The following CYBC1 variants were observed in gnomAD, a reference collection of about 807,000 sequenced individuals.
The protein encoded by CYBC1 is cytochrome b-245 chaperone 1.
A neutral mutation model predicts 21.7 loss-of-function variants in CYBC1; 22 were observed. The ratio of observed to expected loss-of-function variants is 1.02; its 90% CI spans 0.73 to 1.45. The LOEUF (loss-of-function observed/expected upper bound fraction) is 1.45, where lower values mean the gene tolerates loss of function less well. CYBC1 is among the 40% of genes most tolerant of loss of function. CYBC1 has a pLI of 0.00. For synonymous variants in CYBC1, 112 were observed against 98.7 expected (o/e 1.13, Z -0.80); for missense variants, 237 against 242.1 (o/e 0.98, Z 0.14).
At position 82,444,109 on chromosome 17, in the gene CYBC1, G is replaced by A. The variant is rs375281920; in HGVS notation, c.459C>T (p.Ile153=). The change falls in exon 7 of 7, where the codon ATC becomes ATT. Residue 153 remains isoleucine (I), a synonymous_variant. Coordinates refer to ENST00000306645, the MANE Select transcript of CYBC1 (RefSeq NM_001033046.4). ...VMGHRSDVEA[I]AKLITSFLEL... ...CCAGGAAGCTGGTGATGAGCTTGGC[G>A]ATGGCTTCCACATCACTGGGCGAGG... is the stretch of plus-strand genomic sequence containing the variant. The A allele has an allele frequency of 5.6e-5, 90 of 1,611,974 alleles. No individual in the cohort carries two copies. In the African/African-American group the frequency reaches 5.9e-4, roughly 11 times the overall value.
chr17:82,445,713 C>T (rs2054241809), intron 5 of CYBC1, 151 bp downstream of exon 5: 2 of 593,492 alleles, frequency 3.4e-6, no homozygotes, highest in Admixed American at 6.0e-5. Context: ...ATCCTGCTTC[C>T]AGCGGGCAGG....
chr17:82,447,737 G>T, intron 2 of CYBC1, 116 bp from the exon 3 acceptor site: 1 of 927,790 alleles, frequency 1.1e-6, no homozygotes, highest in Non-Finnish European at 1.7e-6. Context: ...TGTAGGAACA[G>T]CTGTGGTCAG....
At position 82,444,595 on chromosome 17, in the gene CYBC1, C is replaced by T. The variant is rs368874778; in HGVS notation, c.299-4G>A. The T allele has an allele frequency of 5.0e-6, 8 of 1,596,268 alleles. No individual in the cohort carries two copies. Among genetic ancestry groups the T allele is most frequent in the East Asian group, 2.3e-5 (1 of 44,436 alleles). On this transcript the variant is annotated splice_region_variant and splice_polypyrimidine_tract_variant and intron_variant, in intron 5 of 6. Coordinates refer to ENST00000306645, the MANE Select transcript of CYBC1 (RefSeq NM_001033046.4). ...ACATCATGGAGCAGGACCACCACTG[C>T]GGGGAGACGGTCAGTGGCCGAGCCA...
chr17:82,442,932 T>G lies in CYBC1; in HGVS notation c.*1072A>C. On this transcript the variant is annotated 3_prime_UTR_variant, in exon 7 of 7. Transcript: ENST00000306645. The surrounding 1 kb of genome is among the most constrained non-coding windows in gnomAD (Gnocchi z 6.8). ...GGTACACTCAGGAGACCAAGAGCAC[T>G]GGCGGGTCAGGATGGTTGGCGTTCA... 1 of 242,752 alleles carries G rather than the reference T, an allele frequency of 4.1e-6. No individual in the cohort carries two copies. 15.0% of individuals were successfully genotyped at this position (242,752 alleles called of 1,614,324 possible). A position where few individuals can be genotyped will look rare whatever the true frequency, so the allele number is the denominator to read the frequency against.
In CYBC1 at chr17:82,446,614, C is replaced by G; in HGVS notation, c.201+9G>C. The G allele has an allele frequency of 6.2e-7, 1 of 1,614,030 alleles. No individual in the cohort carries two copies. The highest frequency in any genetic ancestry group is 8.5e-7 in the Non-Finnish European group (1 of 1,179,942). On this transcript the variant is annotated intron_variant, in intron 4 of 6. Coordinates refer to ENST00000306645, the MANE Select transcript of CYBC1 (RefSeq NM_001033046.4). Reference sequence around the variant, plus strand: ...CCTGGACTCTGTCCCGCACCCGAGCCGGCCTTACCTCCCAGTCCTCCAAGT... The same window carrying G: ...CCTGGACTCTGTCCCGCACCCGAGCGGGCCTTACCTCCCAGTCCTCCAAGT...
Position 82,443,965 on chromosome 17 carries a change from T to G in CYBC1, c.*39A>C. The G allele has an allele frequency of 6.2e-7, 1 of 1,605,204 alleles. No individual in the cohort carries two copies. Among genetic ancestry groups the G allele is most frequent in the Non-Finnish European group, 8.5e-7 (1 of 1,179,518 alleles). On this transcript the variant is annotated 3_prime_UTR_variant, in exon 7 of 7. Transcript: ENST00000306645. The surrounding 1 kb of genome is among the most constrained non-coding windows in gnomAD (Gnocchi z 6.7). The stretch of plus-strand genomic sequence containing the variant: ...AGGCACACCGGGAATGTGCCATGGG[T>G]CCTGTGGGCGGTGCACGGGCTCAGG...
chr17:82,442,813 C>T lies in CYBC1; in HGVS notation c.*1191G>A, dbSNP rs1304534591. ...CCTACCCAGCCATTCCTGGGCCTGC[C>T]GCCTAGGGGCTCACAGGGCCCAGGA... is the stretch of plus-strand genomic sequence containing the variant. On this transcript the variant is annotated 3_prime_UTR_variant, in exon 7 of 7. Coordinates refer to ENST00000306645, the MANE Select transcript of CYBC1 (RefSeq NM_001033046.4). This position sits in a 1 kb window ranked among gnomAD's most constrained non-coding sequence, Gnocchi z 6.8. The T allele has an allele frequency of 1.6e-5, 8 of 511,186 alleles. No homozygotes were observed. The highest frequency in any genetic ancestry group is 6.1e-5 in the South Asian group (2 of 32,870). 31.7% of individuals were successfully genotyped at this position (511,186 alleles called of 1,614,324 possible).
Position 82,447,676 on chromosome 17 carries a change from T to C in CYBC1, c.86-55A>G, listed in dbSNP as rs3751913. ...TGATCCCGGTAAGACCCCACCTCCCTGGTGCAGCGGGACCAGGAGCCACAG... is the reference window on the plus strand; with the variant it reads ...TGATCCCGGTAAGACCCCACCTCCCCGGTGCAGCGGGACCAGGAGCCACAG... On this transcript the variant is annotated intron_variant, in intron 2 of 6. Coordinates refer to ENST00000306645, the MANE Select transcript of CYBC1 (RefSeq NM_001033046.4). 227,410 of 1,505,866 alleles carry C rather than the reference T, an allele frequency of 0.15. 19,578 individuals are homozygous for C. The highest frequency in any genetic ancestry group is 0.32 in the Admixed American group (16,319 of 50,990). 93.3% of individuals were successfully genotyped at this position (1,505,866 alleles called of 1,614,324 possible). A position where few individuals can be genotyped will look rare whatever the true frequency, so the allele number is the denominator to read the frequency against.
chr17:82,446,607 C>A lies in CYBC1; in HGVS notation c.201+16G>T. ...GAACAGCCCTGGACTCTGTCCCGCA[C>A]CCGAGCCGGCCTTACCTCCCAGTCC... On this transcript the variant is annotated intron_variant, in intron 4 of 6. Coordinates refer to ENST00000306645, the MANE Select transcript of CYBC1 (RefSeq NM_001033046.4). 2 of 1,613,884 alleles carry A rather than the reference C, an allele frequency of 1.2e-6. No homozygotes were observed. Among genetic ancestry groups the A allele is most frequent in the Non-Finnish European group, 1.7e-6 (2 of 1,179,858 alleles).
rs970997428 is a variant in CYBC1 at position 82,443,608 on chromosome 17, G to A, written c.*396C>T. 17 of 712,644 alleles carry A rather than the reference G, an allele frequency of 2.4e-5. No individual in the cohort carries two copies. Among genetic ancestry groups the A allele is most frequent in the Middle Eastern group, 2.3e-4 (1 of 4,292 alleles). The allele number at this position is 712,644 out of a possible 1,614,324, so 44.1% of individuals were successfully genotyped here. On this transcript the variant is annotated 3_prime_UTR_variant, in exon 7 of 7. Coordinates refer to ENST00000306645, the MANE Select transcript of CYBC1 (RefSeq NM_001033046.4). The surrounding 1 kb of genome is among the most constrained non-coding windows in gnomAD (Gnocchi z 6.7). ...TGCTGTGGCCCAAAGCAGGAGTCCA[G>A]GGCTGGCGAGACCTCCGGCTGCAGA...
Position 82,449,242 on chromosome 17 carries a change from C to T in CYBC1, c.13G>A (p.Val5Met), listed in dbSNP as rs1305876017. The T allele has an allele frequency of 1.9e-6, 3 of 1,573,168 alleles. No individual in the cohort carries two copies. The highest frequency in any genetic ancestry group is 2.6e-6 in the Non-Finnish European group (3 of 1,159,860). ...AGGCGGGAGCTGGTGCGGGTCTCCA[C>T]CTGCAGGTACATCCCGAGAGGGCAG... MYLQ[V>M]ETRTSSRLHL... Residue 5 changes from valine to methionine, a missense_variant, in exon 2 of 7, where the codon GTG becomes ATG. Transcript: ENST00000306645.
intron 3 of CYBC1, 77 bp from the exon 4 acceptor site, chr17:82,446,773 C>A (rs1384014664): frequency 6.2e-6 from 9 of 1,454,490 alleles, no homozygotes; most frequent in Non-Finnish European, 7.7e-6. Flanking sequence ...CACAGCCTCC[C>A]CCAGACGCTG....
Position 82,449,217 on chromosome 17 carries a change from A to G in CYBC1, c.38T>C (p.Leu13Pro). The G allele has an allele frequency of 6.3e-7, 1 of 1,582,554 alleles. No individual in the cohort carries two copies. Among genetic ancestry groups the G allele is most frequent in the Non-Finnish European group, 8.6e-7 (1 of 1,164,486 alleles). ...LQVETRTSSR[L>P]HLKRAPGIRS... ...GATGCCTGGAGCCCTCTTCAGATGG[A>G]GGCGGGAGCTGGTGCGGGTCTCCAC... Residue 13 changes from leucine (L) to proline (P), a missense_variant, in exon 2 of 7, where the codon CTC becomes CCC. Physicochemically the swap from Leu to Pro is moderately conservative, Grantham distance 98 (BLOSUM62 -3). Transcript: ENST00000306645.
intron 3 of CYBC1, chr17:82,447,347 C>T (rs1440011302): frequency 5.5e-5 from 31 of 564,238 alleles, no homozygotes; most frequent in East Asian, 4.3e-4. Context: ...AGCGAGACTC[C>T]GTCTCAAAAA....
Position 82,443,321 on chromosome 17 carries a change from G to A in CYBC1, c.*683C>T, listed in dbSNP as rs1361132698. On this transcript the variant is annotated 3_prime_UTR_variant, in exon 7 of 7. Coordinates refer to ENST00000306645, the MANE Select transcript of CYBC1 (RefSeq NM_001033046.4). The surrounding 1 kb of genome is among the most constrained non-coding windows in gnomAD (Gnocchi z 6.7). Reference sequence around the variant, plus strand: ...AGGAACAGAGAGACCTTTCTGTGACGACCGCTGGGGCAGAGTGGTCTATGC... The same window carrying A: ...AGGAACAGAGAGACCTTTCTGTGACAACCGCTGGGGCAGAGTGGTCTATGC... The A allele has an allele frequency of 7.5e-6, 3 of 400,344 alleles. No homozygotes were observed. The highest frequency in any genetic ancestry group is 2.1e-5 in the South Asian group (1 of 48,516). The allele number at this position is 400,344 out of a possible 1,614,324, so 24.8% of individuals were successfully genotyped here.
In CYBC1 at chr17:82,449,003, G is replaced by C. The variant is rs2054443416; in HGVS notation, c.85+167C>G. 5.0e-6 allele frequency: 3 copies of C among 605,412 alleles called. No individual in the cohort carries two copies. In the East Asian group the frequency reaches 8.8e-5, roughly 18 times the overall value. The allele number at this position is 605,412 out of a possible 1,614,324, so 37.5% of individuals were successfully genotyped here. ...GGGACAAAACAGACATGCATTATCT[G>C]TAAAACCAAGTACACCAGATAGAAT... On this transcript the variant is annotated intron_variant, in intron 2 of 6. Transcript: ENST00000306645.
chr17:82,445,544 C>A (rs1022691829), intron 5 of CYBC1: 2 of 235,024 alleles, frequency 8.5e-6, no homozygotes, highest in East Asian at 1.2e-4. Context: ...TGCCCGAGCC[C>A]GGGTGGGCCA....
rs2054084200 is a variant in CYBC1, at chr17:82,443,413, C to T, written c.*591G>A. The stretch of plus-strand genomic sequence containing the variant: ...AGGGGCAGCTTCCACAGTGTGGCTG[C>T]AGCGTGCACAGCCAGGTAGGCCCTG... On this transcript the variant is annotated 3_prime_UTR_variant, in exon 7 of 7. Coordinates refer to ENST00000306645, the MANE Select transcript of CYBC1 (RefSeq NM_001033046.4). This position sits in a 1 kb window ranked among gnomAD's most constrained non-coding sequence, Gnocchi z 6.7. 1 of 563,698 alleles carries T rather than the reference C, an allele frequency of 1.8e-6. No homozygotes were observed. Among genetic ancestry groups the T allele is most frequent in the South Asian group, 1.8e-5 (1 of 56,270 alleles). The allele number at this position is 563,698 out of a possible 1,614,324, so 34.9% of individuals were successfully genotyped here. A position where few individuals can be genotyped will look rare whatever the true frequency, so the allele number is the denominator to read the frequency against.
Position 82,447,556 on chromosome 17 carries a change from GGGGTGGGGC to G in CYBC1, c.127+15_127+23del. The G allele has an allele frequency of 6.3e-7, 1 of 1,579,194 alleles. No individual in the cohort carries two copies. On this transcript the variant is annotated intron_variant, in intron 3 of 6. Coordinates refer to ENST00000306645, the MANE Select transcript of CYBC1 (RefSeq NM_001033046.4). ...TCCAAACAGCTGAGACAGTCATGGG[GGGGTGGGGC>G]GGGGGGTGCTTTACCTCCGCTGTAG...
Sources: gnomAD v4.1 joint callset for allele counts on GRCh38, gnomAD v4.1.1 for gene constraint, Gnocchi (gnomAD v3.1) non-coding constraint, MANE v1.5 for transcripts, NCBI Gene and HGNC (gene_info 2026-07-23, HGNC 2026-07-21) for gene names.